The following MAPRE2 variants were observed in gnomAD, a reference collection of about 807,000 sequenced individuals.
The protein encoded by MAPRE2 is microtubule-associated protein RP/EB family member 2.
A neutral mutation model predicts 43.2 loss-of-function variants in MAPRE2; 13 were observed. That is an observed-to-expected ratio of 0.30 (90% CI 0.20 to 0.48). The LOEUF is 0.48. Among genes scored for constraint, MAPRE2 ranks in the 20% least tolerant of loss-of-function variants. The pLI is 0.99. For synonymous variants in MAPRE2, 135 were observed against 148.8 expected, an observed-to-expected ratio of 0.91 and a Z score of 0.68; for missense variants, 161 against 400.2, an observed-to-expected ratio of 0.40 and a Z score of 5.10.
At chr18:35,129,281 C>G (rs896329287) in intron 5 of MAPRE2, among the ~76,000 whole-genome samples, 3 of 152,160 alleles carry the variant, frequency 2.0e-5, no homozygotes, top group African/African-American at 7.2e-5. Context: ...TGTCTTGGAG[C>G]CAACAGGATG....
At chr18:34,999,577 A>G (rs923507000) in intron 1 of MAPRE2, among the ~76,000 whole-genome samples, 1 of 152,206 alleles carries the variant, frequency 6.6e-6, no homozygotes, top group African/African-American at 2.4e-5. Flanking sequence ...TTTTATAGAA[A>G]CCTAAATCAT....
chr18:35,092,846 A>G (rs1908217971), intron 2 of MAPRE2, among the ~76,000 whole-genome samples: 3 of 152,208 alleles, frequency 2.0e-5, no homozygotes, highest in African/African-American at 7.2e-5. Flanking sequence ...AAAATGTTCA[A>G]CGTCACTAAT....
At chr18:35,098,696 CTT>C (rs1053894416) in intron 3 of MAPRE2, among the ~76,000 whole-genome samples, 36 of 152,188 alleles carry the variant, frequency 2.4e-4, no homozygotes, top group African/African-American at 8.4e-4. Flanking sequence ...TATAATACCT[CTT>C]GTGTCTTTTT....
At chr18:35,110,891 T>C (rs371240236) in intron 4 of MAPRE2, among the ~76,000 whole-genome samples, 4 of 152,194 alleles carry the variant, frequency 2.6e-5, no homozygotes, top group African/African-American at 9.6e-5. Flanking sequence ...TTATCTTTGG[T>C]TTTGAGTAGT....
Position 35,042,400 on chromosome 18 carries a change from G to C in MAPRE2, c.122+739G>C, listed in dbSNP as rs142557037. ...GATTCCTGGTCTTTTGCTGAGGTCT[G>C]TTTTGAGGATGGGACTGATCTTGGT... is the stretch of plus-strand genomic sequence containing the variant. On this transcript the variant is annotated intron_variant, in intron 1 of 6. Transcript: ENST00000300249. Among the ~76,000 whole-genome samples, 296 of 152,252 alleles carry C rather than the reference G, an allele frequency of 1.9e-3. 6 individuals carry two copies. In the East Asian group the frequency reaches 0.041, roughly 21 times the overall value.
At chr18:35,102,550 T>G (rs1603401166) in intron 4 of MAPRE2, among the ~76,000 whole-genome samples, 3 of 152,310 alleles carry the variant, frequency 2.0e-5, no homozygotes, top group Admixed American at 2.0e-4. Context: ...AACTCTGTTG[T>G]TAAATATGGA....
chr18:35,109,733 G>A (rs1909087186), intron 4 of MAPRE2, among the ~76,000 whole-genome samples: 1 of 152,118 alleles, frequency 6.6e-6, no homozygotes, highest in South Asian at 2.1e-4. Context: ...AAGTGTGACA[G>A]CATGTAATCA....
chr18:35,000,494 T>C (rs950255390), intron 1 of MAPRE2, among the ~76,000 whole-genome samples: 2 of 152,188 alleles, frequency 1.3e-5, no homozygotes, highest in African/African-American at 4.8e-5. Flanking sequence ...GGGGACTCCC[T>C]AGCTAGGATA....
chr18:35,055,200 C>T (rs915373402), intron 1 of MAPRE2, among the ~76,000 whole-genome samples: 2 of 152,144 alleles, frequency 1.3e-5, no homozygotes, highest in Non-Finnish European at 2.9e-5. Flanking sequence ...GTTGTGATGC[C>T]GGAGGCTAGA....
At chr18:35,096,335 T>C (rs1161624273) in intron 2 of MAPRE2, among the ~76,000 whole-genome samples, 1 of 152,208 alleles carries the variant, frequency 6.6e-6, no homozygotes, top group African/African-American at 2.4e-5. Flanking sequence ...TTGTTCCTAT[T>C]CTTGCCACTT....
chr18:35,063,101 TTTTGTTGTTG>T (rs1906616625), intron 1 of MAPRE2, among the ~76,000 whole-genome samples: 1 of 151,976 alleles, frequency 6.6e-6, no homozygotes, highest in South Asian at 2.1e-4. Flanking sequence ...CTTTCAGAAC[TTTTGTTGTTG>T]TTTTTTTTTT....
intron 2 of MAPRE2, among the ~76,000 whole-genome samples, chr18:35,096,493 C>T (rs1241123087): frequency 6.6e-6 from 1 of 152,052 alleles, no homozygotes; most frequent in Non-Finnish European, 1.5e-5. Flanking sequence ...TCTAAGAGCT[C>T]TTCATATATT....
Position 35,108,840 on chromosome 18 carries a change from TA to T in MAPRE2, c.610+6682del, listed in dbSNP as rs1423174356. Among the ~76,000 whole-genome samples the T allele has an allele frequency of 1.3e-5, 2 of 152,124 alleles. 1 individual carries two copies. Among genetic ancestry groups the T allele is most frequent in the African/African-American group, 4.8e-5 (2 of 41,424 alleles). On this transcript the variant is annotated intron_variant, in intron 4 of 6. Transcript: ENST00000300249. ...AATGGGGTTTTTTCTTTCTTGTAAA[TA>T]TATTTAAGTTCCGTGTAAATTCTGA... is the stretch of plus-strand genomic sequence containing the variant.
intron 2 of MAPRE2, among the ~76,000 whole-genome samples, chr18:35,034,502 T>C (rs1488120323): frequency 6.6e-6 from 1 of 151,892 alleles, no homozygotes; most frequent in African/African-American, 2.4e-5. Flanking sequence ...AAAGCCAAAA[T>C]TGACAAATGG....
chr18:35,052,345 C>G (rs140293259), intron 1 of MAPRE2, among the ~76,000 whole-genome samples: 305 of 152,292 alleles, frequency 2.0e-3, no homozygotes, highest in African/African-American at 7.0e-3. Flanking sequence ...TGTCTGACTA[C>G]TTTGACTCAG....
intron 1 of MAPRE2, among the ~76,000 whole-genome samples, chr18:34,987,697 C>T (rs2097021724): frequency 6.6e-6 from 1 of 152,060 alleles, no homozygotes; most frequent in African/African-American, 2.4e-5. Context: ...GGCTGGAGTG[C>T]AGTGGTACAA....
chr18:34,995,644 A>G (rs559712329), intron 1 of MAPRE2, among the ~76,000 whole-genome samples: 1 of 152,306 alleles, frequency 6.6e-6, no homozygotes, highest in Non-Finnish European at 1.5e-5. Context: ...GCAAGAAAAA[A>G]GTGGTGTGCA....
chr18:35,018,347 C>T (rs564542008), intron 2 of MAPRE2, among the ~76,000 whole-genome samples: 1 of 151,810 alleles, frequency 6.6e-6, no homozygotes, highest in Admixed American at 6.6e-5. Context: ...AGGTCTTCTT[C>T]CTCGATTTTT....
intron 1 of MAPRE2, among the ~76,000 whole-genome samples, chr18:35,005,233 T>C (rs953178890): frequency 6.6e-6 from 1 of 152,198 alleles, no homozygotes; most frequent in Admixed American, 6.5e-5. Flanking sequence ...ACTGACATTA[T>C]ACTAAATTTT....
Sources: allele counts gnomAD v4.1 joint callset (sites outside exome capture counted in the v4.1 genomes callset), GRCh38; gene constraint gnomAD v4.1.1; transcripts MANE v1.5; gene names NCBI Gene and HGNC (gene_info 2026-07-23, HGNC 2026-07-21).